OTUD7A: variants seen among roughly 807,000 people sequenced by gnomAD.
OTUD7A encodes OTU domain-containing protein 7A.
In OTUD7A, 12 loss-of-function variants were observed where a neutral mutation model predicts 65.7. The observed-to-expected ratio is 0.18, with a 90% CI of 0.12 to 0.30. OTUD7A has a LOEUF of 0.30. Among genes scored for constraint, OTUD7A ranks in the 10% least tolerant of loss-of-function variants. The pLI, the probability that OTUD7A is intolerant of heterozygous loss-of-function variation, is 1.00. For missense variants in OTUD7A, 1,148 were observed against 1,304.8 expected, an observed-to-expected ratio of 0.88 and a Z score of 1.85; for synonymous variants, 641 against 586.3, an observed-to-expected ratio of 1.09 and a Z score of -1.35.
intron 5 of OTUD7A, among the ~76,000 whole-genome samples, chr15:31,545,408 G>A (rs1888100298): frequency 6.6e-6 from 1 of 152,038 alleles, no homozygotes; most frequent in South Asian, 2.1e-4. Flanking sequence ...GGAAAAAAAA[G>A]GTAAGTTGAA....
intron 10 of OTUD7A, among the ~76,000 whole-genome samples, chr15:31,492,890 C>A (rs1254283147): frequency 6.6e-6 from 1 of 152,064 alleles, no homozygotes; most frequent in Non-Finnish European, 1.5e-5. Flanking sequence ...GATGAAAAAG[C>A]AAAACCCACA....
chr15:31,634,914 G>A (rs535296342), intron 3 of OTUD7A, among the ~76,000 whole-genome samples: 1 of 152,204 alleles, frequency 6.6e-6, no homozygotes, highest in Non-Finnish European at 1.5e-5. Context: ...TGGGACCCTG[G>A]GGACGCAGAC....
At chr15:31,690,872 C>T (rs116408003) in intron 1 of OTUD7A, among the ~76,000 whole-genome samples, 126 of 152,276 alleles carry the variant, frequency 8.3e-4, no homozygotes, top group African/African-American at 3.0e-3. Context: ...CTGGATTTGA[C>T]AAGTATTTCT....
At chr15:31,827,074 G>A (rs1896814898) in intron 1 of OTUD7A, among the ~76,000 whole-genome samples, 1 of 152,168 alleles carries the variant, frequency 6.6e-6, no homozygotes, top group African/African-American at 2.4e-5. Context: ...CTGTTACCCA[G>A]TTCCAAAGTT....
At chr15:31,828,552 T>C (rs1595797613) in intron 1 of OTUD7A, among the ~76,000 whole-genome samples, 1 of 152,182 alleles carries the variant, frequency 6.6e-6, no homozygotes, top group African/African-American at 2.4e-5. Flanking sequence ...CTTTTTTATG[T>C]TCAGGTTTTT....
intron 1 of OTUD7A, among the ~76,000 whole-genome samples, chr15:31,789,130 G>A: frequency 6.6e-6 from 1 of 152,110 alleles, no homozygotes; most frequent in East Asian, 1.9e-4. Flanking sequence ...ATATACCATT[G>A]TAAGTGCTAT....
At chr15:31,770,463 G>T (rs1239898277) in intron 1 of OTUD7A, among the ~76,000 whole-genome samples, 2 of 152,188 alleles carry the variant, frequency 1.3e-5, no homozygotes, top group Admixed American at 1.3e-4. Flanking sequence ...CCCTGAAATG[G>T]TGTCACTGGT....
intron 1 of OTUD7A, among the ~76,000 whole-genome samples, chr15:31,808,136 C>A (rs149168250): frequency 8.4e-4 from 100 of 119,512 alleles, no homozygotes; most frequent in East Asian, 3.3e-3. Flanking sequence ...CACACACACA[C>A]AAACAAATCC....
intron 1 of OTUD7A, among the ~76,000 whole-genome samples, chr15:31,754,387 T>C (rs1894751164): frequency 6.6e-6 from 1 of 152,216 alleles, no homozygotes; most frequent in Admixed American, 6.5e-5. Flanking sequence ...TTTATCTTTG[T>C]TTTTATTGCA....
chr15:31,841,743 T>C (rs1842508818), intron 1 of OTUD7A, among the ~76,000 whole-genome samples: 1 of 152,074 alleles, frequency 6.6e-6, no homozygotes, highest in African/African-American at 2.4e-5. Context: ...CAAAATATAC[T>C]CCAGGGCAAT....
Position 31,527,239 on chromosome 15 carries a change from G to A in OTUD7A, c.722C>T (p.Ala241Val). 1 of 1,614,198 alleles carries A rather than the reference G, an allele frequency of 6.2e-7. No homozygotes were observed. The highest frequency in any genetic ancestry group is 8.5e-7 in the Non-Finnish European group (1 of 1,180,034). The change falls in exon 7 of 13, where the codon GCT becomes GTT. Residue 241 changes from alanine to valine, a missense_variant. By Grantham distance (64) the Ala-to-Val change is moderately conservative (BLOSUM62 0). Around this residue, in one of 6 missense-constraint regions of OTUD7A, gnomAD observed 134 missense variants for 252.6 expected, o/e 0.53. Transcript: ENST00000307050. ...KALYTMMRTG[A>V]EREALKRRWR... Reference sequence around the variant, plus strand: ...CCTCCGCTTCAGGGCTTCCCTCTCAGCTCCCGTCCTCATCATGGTATAGAG... The same window carrying A: ...CCTCCGCTTCAGGGCTTCCCTCTCAACTCCCGTCCTCATCATGGTATAGAG...
chr15:31,809,036 G>A (rs1338241351), intron 1 of OTUD7A, among the ~76,000 whole-genome samples: 1 of 152,186 alleles, frequency 6.6e-6, no homozygotes, highest in African/African-American at 2.4e-5. Flanking sequence ...GTGCCTGGGG[G>A]ACCATGAGAC....
At chr15:31,507,536 C>G (rs1040490247) in intron 8 of OTUD7A, among the ~76,000 whole-genome samples, 1 of 151,760 alleles carries the variant, frequency 6.6e-6, no homozygotes, top group African/African-American at 2.4e-5. Context: ...TGGCACGGAC[C>G]CAAAGAGTGA....
chr15:31,671,370 T>C (rs1022786624), intron 1 of OTUD7A, among the ~76,000 whole-genome samples: 1 of 152,206 alleles, frequency 6.6e-6, no homozygotes, highest in Admixed American at 6.5e-5. Flanking sequence ...ATCAGATGGT[T>C]GCAGATGTGT....
At chr15:31,783,340 T>G (rs1895589607) in intron 1 of OTUD7A, among the ~76,000 whole-genome samples, 1 of 152,198 alleles carries the variant, frequency 6.6e-6, no homozygotes, top group Admixed American at 6.5e-5. Flanking sequence ...AAGCAGAGGT[T>G]CCAAAAGGTC....
chr15:31,651,440 AT>A (rs1891831985), intron 3 of OTUD7A, among the ~76,000 whole-genome samples: 1 of 152,144 alleles, frequency 6.6e-6, no homozygotes, highest in Admixed American at 6.6e-5. Context: ...TAACACCACT[AT>A]TTAACCTTTT....
chr15:31,792,816 A>G (rs1953954540), intron 1 of OTUD7A, among the ~76,000 whole-genome samples: 1 of 152,110 alleles, frequency 6.6e-6, no homozygotes, highest in African/African-American at 2.4e-5. Context: ...AGTGGGACAC[A>G]AGGGCTGGGT....
At chr15:31,499,436 G>A (rs1173171786) in intron 10 of OTUD7A, among the ~76,000 whole-genome samples, 1 of 152,200 alleles carries the variant, frequency 6.6e-6, no homozygotes, top group African/African-American at 2.4e-5. Flanking sequence ...TTTGCGGTCT[G>A]GCCAGCTCAC....
rs1555413879 is a variant in OTUD7A, at chr15:31,753,706, A to ATATATATATATAT, written c.-99-96642_-99-96630dup. Among the ~76,000 whole-genome samples, 13 of 70,756 alleles carry ATATATATATATAT rather than the reference A, an allele frequency of 1.8e-4. 1 individual carries two copies. Among genetic ancestry groups the ATATATATATATAT allele is most frequent in the South Asian group, 1.1e-3 (3 of 2,748 alleles). The allele number at this position is 70,756 out of a possible 152,430, so 46.4% of individuals were successfully genotyped here. On this transcript the variant is annotated intron_variant, in intron 1 of 12. Coordinates refer to ENST00000307050, the MANE Select transcript of OTUD7A (RefSeq NM_001382637.1). Reference sequence around the variant, plus strand: ...TGTGAGATATATATATATATATTATATATATATATATATATTATATATATA... The same window carrying ATATATATATATAT: ...TGTGAGATATATATATATATATTATATATATATATATATTATATATATATATATTATATATATA...
Sources: gnomAD v4.1 joint callset for allele counts (sites outside exome capture counted in the v4.1 genomes callset) on GRCh38, gnomAD v4.1.1 for gene constraint, gnomAD v4.1.1 regional missense constraint, MANE v1.5 for transcripts, NCBI Gene and HGNC (gene_info 2026-07-23, HGNC 2026-07-21) for gene names.